LY75: variants seen among roughly 807,000 people sequenced by gnomAD.
The protein encoded by LY75 is lymphocyte antigen 75, also known as C-type lectin domain family 13 member B.
A neutral mutation model predicts 231.7 loss-of-function variants in LY75; 185 were observed. That is an observed-to-expected ratio of 0.80 (90% CI 0.71 to 0.90). The LOEUF (loss-of-function observed/expected upper bound fraction) is 0.90. Ranked by LOEUF, LY75 falls within the 40% of genes least tolerant of loss-of-function variation. The pLI is 0.00. For synonymous variants in LY75, 668 were observed against 689.0 expected (o/e 0.97, Z 0.48); for missense variants, 1,947 against 2,050.2 (o/e 0.95, Z 0.97).
chr2:159,881,176 T>C lies in LY75; in HGVS notation c.1311A>G (p.Ser437=). ...NINIPTLFQW[S]DGTEVTLTYW... is the part of the protein sequence containing the mutation. ...ATGTTAGAGTAACTTCAGTACCATCTGACCACTGAAATAAAGTTGGTATGT... is the reference window on the plus strand; with the variant it reads ...ATGTTAGAGTAACTTCAGTACCATCCGACCACTGAAATAAAGTTGGTATGT... The change falls in exon 8 of 35, where the codon TCA becomes TCG. Residue 437 remains serine (S), a synonymous_variant. Coordinates refer to ENST00000263636, the MANE Select transcript of LY75 (RefSeq NM_002349.4). 6.2e-7 allele frequency: 1 copy of C among 1,613,920 alleles called. No homozygotes were observed. Among genetic ancestry groups the C allele is most frequent in the South Asian group, 1.1e-5 (1 of 91,076 alleles).
chr2:159,899,173 C>T (rs748045208), intron 1 of LY75, 114 bp from the exon 2 acceptor site: 3 of 1,506,614 alleles, frequency 2.0e-6, no homozygotes, highest in Admixed American at 2.1e-5. Flanking sequence ...TCTGTTCCCA[C>T]TCTTTTTAAG....
chr2:159,853,485 A>G (rs375515678), intron 19 of LY75, 133 bp from the exon 20 acceptor site: 10 of 1,462,432 alleles, frequency 6.8e-6, no homozygotes, highest in African/African-American at 1.4e-5. Flanking sequence ...TCTTGATGCT[A>G]ACATGCAAAA....
chr2:159,879,357 T>G lies in LY75; in HGVS notation c.1417A>C (p.Lys473Gln), dbSNP rs1239989657. ...AGTTTCTCCTCACATGATTGGACTT[T>G]CCACTGACCTAGCTTTGAAAGGAGA... ...VSYLGELGQW[K>Q]VQSCEEKLKY... is the part of the protein sequence containing the mutation. Residue 473 changes from lysine to glutamine, a missense_variant, in exon 9 of 35, where the codon AAA (lysine) becomes CAA (glutamine). By Grantham distance (53) the Lys-to-Gln change is moderately conservative. Transcript: ENST00000263636. 12 of 1,613,058 alleles carry G rather than the reference T, an allele frequency of 7.4e-6. No individual in the cohort carries two copies. The highest frequency in any genetic ancestry group is 9.3e-6 in the Non-Finnish European group (11 of 1,179,758).
intron 11 of LY75, 28 bp downstream of exon 11, chr2:159,878,296 C>G (rs1574585038): frequency 6.2e-7 from 1 of 1,609,432 alleles, no homozygotes; most frequent in Non-Finnish European, 8.5e-7. Context: ...TCACAGTATA[C>G]TACTACTTCA....
intron 14 of LY75, among the ~76,000 whole-genome samples, chr2:159,863,545 G>A (rs919149449): frequency 1.3e-5 from 2 of 152,134 alleles, no homozygotes; most frequent in Non-Finnish European, 2.9e-5. Context: ...TTTCCCTGAT[G>A]ATTAGTGATG....
intron 15 of LY75, among the ~76,000 whole-genome samples, chr2:159,860,245 C>G (rs943903657): frequency 6.6e-6 from 1 of 152,160 alleles, no homozygotes; most frequent in Admixed American, 6.5e-5. Context: ...CTCCTTAGTT[C>G]ATGTGACCCT....
intron 12 of LY75, 101 bp downstream of exon 12, chr2:159,875,343 T>C: frequency 6.8e-7 from 1 of 1,470,464 alleles, no homozygotes; most frequent in Non-Finnish European, 9.1e-7. Context: ...TTTAGTTAGG[T>C]TACATAGTAC....
Position 159,810,525 on chromosome 2 carries a change from C to T in LY75, c.4699+1G>A, listed in dbSNP as rs1189944102. On this transcript the variant is annotated splice_donor_variant, in intron 32 of 34. Coordinates refer to ENST00000263636, the MANE Select transcript of LY75 (RefSeq NM_002349.4). LOFTEE classifies it high-confidence loss of function. ...AAGAAAATCAACAAATTTTAACTCA[C>T]CATGTTTTGAACACAATTTTTTGGC... 7 of 1,608,192 alleles carry T rather than the reference C, an allele frequency of 4.4e-6. No individual in the cohort carries two copies. Among genetic ancestry groups the T allele is most frequent in the Middle Eastern group, 3.3e-4 (2 of 6,034 alleles).
intron 7 of LY75, among the ~76,000 whole-genome samples, chr2:159,881,588 C>T (rs1399637169): frequency 6.6e-6 from 1 of 152,102 alleles, no homozygotes; most frequent in Non-Finnish European, 1.5e-5. Context: ...ACTCTGCTGC[C>T]TTCACAAGTG....
chr2:159,893,114 G>T (rs1253291422), intron 3 of LY75, among the ~76,000 whole-genome samples: 1 of 152,158 alleles, frequency 6.6e-6, no homozygotes, highest in Non-Finnish European at 1.5e-5. Flanking sequence ...TCACCAAACT[G>T]AAACAGATTG....
At chr2:159,844,626 A>G (rs924345588) in intron 23 of LY75, among the ~76,000 whole-genome samples, 2 of 152,050 alleles carry the variant, frequency 1.3e-5, no homozygotes, top group African/African-American at 2.4e-5. Context: ...TTGCTTGTAT[A>G]TTATTATTAG....
intron 23 of LY75, among the ~76,000 whole-genome samples, chr2:159,843,452 A>G (rs890923983): frequency 6.6e-6 from 1 of 151,444 alleles, no homozygotes; most frequent in South Asian, 2.1e-4. Flanking sequence ...CCAAAATGTA[A>G]CAATCACTTT....
chr2:159,863,796 C>T (rs768042093), intron 14 of LY75, among the ~76,000 whole-genome samples: 1 of 152,160 alleles, frequency 6.6e-6, no homozygotes, highest in Admixed American at 6.5e-5. Context: ...CCTTCCTCCT[C>T]TTGGCCAGTG....
intron 22 of LY75, 81 bp from the exon 23 acceptor site, chr2:159,850,221 T>C: frequency 6.6e-7 from 1 of 1,512,112 alleles, no homozygotes; most frequent in Non-Finnish European, 8.8e-7. Flanking sequence ...TATATTTTGT[T>C]TATCTATCAA....
At chr2:159,834,855 T>C (rs1260615224) in intron 26 of LY75, among the ~76,000 whole-genome samples, 1 of 152,214 alleles carries the variant, frequency 6.6e-6, no homozygotes, top group Admixed American at 6.5e-5. Context: ...ATAAGTCCCT[T>C]TGTCCATGAA....
chr2:159,852,312 G>C lies in LY75; in HGVS notation c.2772C>G (p.Thr924=), dbSNP rs751384740. ...ATTTTTCACAGATGAAGGGCAACTT[G>C]GTACTACAGTCTGTTGGTTTACCTA... The part of the protein sequence containing the change: ...IDLGKPTDCS[T]KLPFICEKYN... Residue 924 remains threonine (T), a synonymous_variant, in exon 21 of 35, where the codon ACC becomes ACG. Transcript: ENST00000263636. 21 of 1,613,902 alleles carry C rather than the reference G, an allele frequency of 1.3e-5. No homozygotes were observed. The highest frequency in any genetic ancestry group is 1.7e-5 in the Non-Finnish European group (20 of 1,179,906).
intron 2 of LY75, among the ~76,000 whole-genome samples, chr2:159,896,540 T>C (rs574296424): frequency 6.6e-6 from 1 of 152,188 alleles, no homozygotes; most frequent in South Asian, 2.1e-4. Flanking sequence ...GGGACTTGGG[T>C]ATCTTGTATG....
At chr2:159,878,796 T>A in intron 9 of LY75, 75 bp from the exon 10 acceptor site, 1 of 1,504,844 alleles carries the variant, frequency 6.6e-7, no homozygotes, top group African/African-American at 1.4e-5. Context: ...ATGTTTCTGC[T>A]ACATTGATAA....
At chr2:159,879,130 T>C (rs900244851) in intron 9 of LY75, 129 bp downstream of exon 9, 8 of 1,082,228 alleles carry the variant, frequency 7.4e-6, no homozygotes, top group Non-Finnish European at 1.0e-5. Flanking sequence ...TGGCTTGTTC[T>C]AACTTAAATG....
Sources: allele counts gnomAD v4.1 joint callset (sites outside exome capture counted in the v4.1 genomes callset), GRCh38; gene constraint gnomAD v4.1.1; transcripts MANE v1.5; gene names NCBI Gene and HGNC (gene_info 2026-07-23, HGNC 2026-07-21).